The following PXDNL variants were observed in gnomAD, a reference collection of about 807,000 sequenced individuals.
PXDNL encodes peroxidasin like.
A neutral mutation model predicts 150.8 loss-of-function variants in PXDNL; 145 were observed. The observed-to-expected ratio is 0.96, with a 90% CI of 0.84 to 1.10. PXDNL has a LOEUF of 1.10. PXDNL is among the 50% of genes least tolerant of loss of function. The probability of loss-of-function intolerance (pLI) is 0.00; values close to 1 mark genes in which losing one functional copy is unlikely to be tolerated. For synonymous variants in PXDNL, 757 were observed against 725.7 expected (o/e 1.04, Z -0.69); for missense variants, 2,087 against 1,873.9 (o/e 1.11, Z -2.10).
Position 51,413,254 on chromosome 8 carries a change from T to C in PXDNL, c.1800A>G (p.Ile600Met). The C allele has an allele frequency of 1.3e-6, 2 of 1,596,544 alleles. No homozygotes were observed. Among genetic ancestry groups the C allele is most frequent in the Non-Finnish European group, 8.6e-7 (1 of 1,165,450 alleles). ...AGTCATCGCCAGCTTGTCTACCCTG[T>C]ATAGCTTTGAAAATCAATTCCATGA... ...VTNMFLTVTA[I>M]QGRQAGDDFV... Residue 600 changes from isoleucine (I) to methionine (M), a missense_variant, in exon 15 of 23, where the codon ATA (isoleucine) becomes ATG (methionine). Transcript: ENST00000356297.
At chr8:51,487,247 TAAA>T (rs921064451) in intron 5 of PXDNL, among the ~76,000 whole-genome samples, 1 of 152,078 alleles carries the variant, frequency 6.6e-6, no homozygotes, top group African/African-American at 2.4e-5. Context: ...GCATATTATC[TAAA>T]AAAGTCAAGT....
At chr8:51,523,625 C>T (rs1811705724) in intron 4 of PXDNL, among the ~76,000 whole-genome samples, 1 of 152,190 alleles carries the variant, frequency 6.6e-6, no homozygotes, top group Admixed American at 6.5e-5. Context: ...TATGAAAATG[C>T]TTTCAGGAAA....
intron 1 of PXDNL, among the ~76,000 whole-genome samples, chr8:51,778,279 C>CA (rs10695692): frequency 0.061 from 9,204 of 150,022 alleles, 371 homozygotes; most frequent in Non-Finnish European, 0.088. Flanking sequence ...GAATCTGTCT[C>CA]AAAAAAAAAA....
At chr8:51,413,327 TGGCA>T in intron 14 of PXDNL, 69 bp from the exon 15 acceptor site, 2 of 847,332 alleles carry the variant, frequency 2.4e-6, no homozygotes. Context: ...ATTATATGAA[TGGCA>T]TTACATTTTT....
chr8:51,644,337 TACACACAC>T lies in PXDNL; in HGVS notation c.236+10344_236+10351del, dbSNP rs371179403. Among the ~76,000 whole-genome samples, 113 of 50,106 alleles carry T rather than the reference TACACACAC, an allele frequency of 2.3e-3. 9 individuals are homozygous for T. Among genetic ancestry groups the T allele is most frequent in the South Asian group, 8.0e-3 (8 of 994 alleles). 32.9% of individuals were successfully genotyped at this position (50,106 alleles called of 152,430 possible). A position where few individuals can be genotyped will look rare whatever the true frequency, so the allele number is the denominator to read the frequency against. On this transcript the variant is annotated intron_variant, in intron 2 of 22. Transcript: ENST00000356297. ...ACATTTTTACATATATATATATATATACACACACACACACACACACACACACATATGTA... is the reference window on the plus strand; with the variant it reads ...ACATTTTTACATATATATATATATATACACACACACACACACACATATGTA...
chr8:51,668,307 T>C (rs1414343672), intron 1 of PXDNL, among the ~76,000 whole-genome samples: 3 of 151,038 alleles, frequency 2.0e-5, no homozygotes, highest in Non-Finnish European at 4.4e-5. Context: ...CCTGAGTAGC[T>C]GGAACTACAG....
At chr8:51,368,546 T>G (rs1248607618) in intron 19 of PXDNL, among the ~76,000 whole-genome samples, 1 of 152,162 alleles carries the variant, frequency 6.6e-6, no homozygotes, top group East Asian at 1.9e-4. Context: ...ATAGCCCTGT[T>G]GAAAATAAAA....
chr8:51,398,241 A>C (rs1808144753), intron 17 of PXDNL, among the ~76,000 whole-genome samples: 1 of 152,202 alleles, frequency 6.6e-6, no homozygotes, highest in Non-Finnish European at 1.5e-5. Flanking sequence ...AGGGCACTAG[A>C]ATCCCAGCAC....
chr8:51,570,410 AGTTT>A (rs1271058908), intron 3 of PXDNL, among the ~76,000 whole-genome samples: 1 of 151,960 alleles, frequency 6.6e-6, no homozygotes, highest in Non-Finnish European at 1.5e-5. Context: ...CTACCTGAGC[AGTTT>A]GTTTGTGTTT....
chr8:51,419,938 G>A (rs1030346733), intron 14 of PXDNL, among the ~76,000 whole-genome samples: 1 of 152,158 alleles, frequency 6.6e-6, no homozygotes, highest in African/African-American at 2.4e-5. Context: ...TATGTAAACT[G>A]TTTACAAATC....
At chr8:51,561,512 C>T (rs1479088640) in intron 3 of PXDNL, among the ~76,000 whole-genome samples, 2 of 151,692 alleles carry the variant, frequency 1.3e-5, no homozygotes, top group African/African-American at 4.8e-5. Flanking sequence ...CTTATCTCTA[C>T]TAAAAAAATT....
chr8:51,451,315 T>C (rs1186853743), intron 10 of PXDNL, among the ~76,000 whole-genome samples: 1 of 152,174 alleles, frequency 6.6e-6, no homozygotes, highest in Non-Finnish European at 1.5e-5. Context: ...TTTACATTTG[T>C]TTCTAACACT....
At chr8:51,488,977 C>T (rs1447246664) in intron 5 of PXDNL, among the ~76,000 whole-genome samples, 2 of 151,914 alleles carry the variant, frequency 1.3e-5, no homozygotes, top group Non-Finnish European at 2.9e-5. Flanking sequence ...GAAGACAAAT[C>T]GGAAACAAGA....
chr8:51,721,729 C>T (rs4873581), intron 1 of PXDNL: 444,042 of 450,660 alleles, frequency 0.99, 218,941 homozygotes, highest in Non-Finnish European at 1. Flanking sequence ...GGGAACTTCA[C>T]TATCATCATC....
At chr8:51,501,950 C>A (rs936348436) in intron 4 of PXDNL, among the ~76,000 whole-genome samples, 9 of 152,172 alleles carry the variant, frequency 5.9e-5, no homozygotes, top group African/African-American at 1.9e-4. Context: ...TGAAATGTAT[C>A]GCATGGTTGG....
intron 4 of PXDNL, among the ~76,000 whole-genome samples, chr8:51,526,613 C>T (rs1311168674): frequency 6.6e-6 from 1 of 152,188 alleles, no homozygotes; most frequent in African/African-American, 2.4e-5. Flanking sequence ...AATTGTTCTT[C>T]CTGTCACTGA....
At chr8:51,686,261 G>T (rs958007142) in intron 1 of PXDNL, among the ~76,000 whole-genome samples, 2 of 152,176 alleles carry the variant, frequency 1.3e-5, no homozygotes, top group East Asian at 3.9e-4. Flanking sequence ...ACAGCCCAAA[G>T]CAATGGCTTG....
At chr8:51,474,782 T>A (rs1810433259) in intron 7 of PXDNL, among the ~76,000 whole-genome samples, 190 bp downstream of exon 7, 1 of 152,242 alleles carries the variant, frequency 6.6e-6, no homozygotes, top group Admixed American at 6.5e-5. Flanking sequence ...CTTAATTTTA[T>A]GTTGATAAAA....
intron 3 of PXDNL, among the ~76,000 whole-genome samples, chr8:51,590,927 G>A (rs1239361772): frequency 6.6e-6 from 1 of 152,138 alleles, no homozygotes; most frequent in Non-Finnish European, 1.5e-5. Context: ...GTTTTGTGAG[G>A]CGAAGAGGCA....
Sources: gnomAD v4.1 joint callset for allele counts (sites outside exome capture counted in the v4.1 genomes callset) on GRCh38, gnomAD v4.1.1 for gene constraint, MANE v1.5 for transcripts, NCBI Gene and HGNC (gene_info 2026-07-23, HGNC 2026-07-21) for gene names.